Variants in MYO5A observed in about 807,000 individuals in gnomAD.
The protein encoded by MYO5A is unconventional myosin-Va.
A neutral mutation model predicts 249.7 loss-of-function variants in MYO5A; 98 were observed. The observed-to-expected ratio is 0.39, with a 90% CI of 0.33 to 0.46. The LOEUF is 0.46. Ranked by LOEUF, MYO5A falls within the 20% of genes least tolerant of loss-of-function variation. The pLI is 0.98. For synonymous variants in MYO5A, 778 were observed against 810.6 expected (o/e 0.96, Z 0.68); for missense variants, 1,696 against 2,308.8 (o/e 0.73, Z 5.44).
chr15:52,438,836 G>A (rs1296192231), intron 1 of MYO5A, among the ~76,000 whole-genome samples: 1 of 152,194 alleles, frequency 6.6e-6, no homozygotes, highest in Non-Finnish European at 1.5e-5. Context: ...GTTTGTTACG[G>A]CTCGAGCTGA....
chr15:52,358,745 C>A (rs767436503), intron 25 of MYO5A, among the ~76,000 whole-genome samples: 2 of 151,924 alleles, frequency 1.3e-5, no homozygotes, highest in Non-Finnish European at 2.9e-5. Flanking sequence ...GAAGAACTCC[C>A]CAGTCAAATC....
At chr15:52,357,060 C>T (rs190527727) in intron 25 of MYO5A, among the ~76,000 whole-genome samples, 1 of 152,126 alleles carries the variant, frequency 6.6e-6, no homozygotes, top group Admixed American at 6.5e-5. Context: ...ATAATAAAGT[C>T]TGTCCTGACT....
At chr15:52,507,793 GACCCTGTCCCCAAAAAAAAAAA>G (rs1390148461) in intron 1 of MYO5A, among the ~76,000 whole-genome samples, 2 of 92,982 alleles carry the variant, frequency 2.2e-5, no homozygotes, top group Non-Finnish European at 4.4e-5. Context: ...AACAGAATGA[GACCCTGTCCCCAAAAAAAAAAA>G]AAAAAAGTGT....
chr15:52,353,842 C>T lies in MYO5A; in HGVS notation c.3567+29G>A, dbSNP rs1199916072. The T allele has an allele frequency of 1.9e-6, 3 of 1,612,228 alleles. No individual in the cohort carries two copies. The South Asian group carries it at 3.3e-5, about 18-fold the overall frequency. ...CTGAAATGGACATAAAGCCCAGCTT[C>T]AGCTCTGCGGATGGGCTGTGCTGCG... On this transcript the variant is annotated intron_variant, in intron 26 of 41. Coordinates refer to ENST00000399233, the MANE Select transcript of MYO5A (RefSeq NM_001382347.1).
At chr15:52,511,101 C>T (rs921576360) in intron 1 of MYO5A, among the ~76,000 whole-genome samples, 2 of 152,188 alleles carry the variant, frequency 1.3e-5, no homozygotes, top group Non-Finnish European at 1.5e-5. Flanking sequence ...AGACTATTCT[C>T]ATTTTCCTGA....
intron 21 of MYO5A, among the ~76,000 whole-genome samples, chr15:52,371,183 C>T (rs1461296619): frequency 6.6e-6 from 1 of 151,820 alleles, no homozygotes; most frequent in African/African-American, 2.4e-5. Flanking sequence ...TTTATGTTTA[C>T]TACCTCAAAA....
Position 52,498,528 on chromosome 15 carries a change from T to C in MYO5A, c.27+30252A>G, listed in dbSNP as rs189483051. Among the ~76,000 whole-genome samples the C allele has an allele frequency of 1.6e-3, 243 of 152,326 alleles. 1 individual carries two copies. The highest frequency in any genetic ancestry group is 5.6e-3 in the African/African-American group (233 of 41,584). Reference sequence around the variant, plus strand: ...TAATTTGTTTGGTTAAAAAAAAACCTCTTCATTTTAATGTGCATTTCTTAC... The same window carrying C: ...TAATTTGTTTGGTTAAAAAAAAACCCCTTCATTTTAATGTGCATTTCTTAC... On this transcript the variant is annotated intron_variant, in intron 1 of 41. Transcript: ENST00000399233.
chr15:52,430,645 G>A (rs1785324019), intron 2 of MYO5A, among the ~76,000 whole-genome samples: 1 of 152,046 alleles, frequency 6.6e-6, no homozygotes, highest in African/African-American at 2.4e-5. Context: ...CCCTAGTCTT[G>A]CTTTTATTAA....
chr15:52,415,056 G>C (rs1278161407), intron 5 of MYO5A, among the ~76,000 whole-genome samples: 2 of 152,104 alleles, frequency 1.3e-5, no homozygotes, highest in African/African-American at 4.8e-5. Context: ...CTACAGATAA[G>C]AGGTCACGGC....
chr15:52,331,069 T>C (rs2038865951), intron 34 of MYO5A, among the ~76,000 whole-genome samples: 1 of 152,202 alleles, frequency 6.6e-6, no homozygotes, highest in Non-Finnish European at 1.5e-5. Flanking sequence ...TGGTCCAAAA[T>C]GTATTATTTT....
At chr15:52,321,235 T>G (rs1425861523) in intron 38 of MYO5A, 124 bp downstream of exon 38, 3 of 1,285,880 alleles carry the variant, frequency 2.3e-6, no homozygotes, top group South Asian at 2.4e-5. Flanking sequence ...ATTTTAGCCC[T>G]GTATCTTACT....
chr15:52,344,959 C>A (rs1227007785), intron 30 of MYO5A, among the ~76,000 whole-genome samples: 4 of 152,200 alleles, frequency 2.6e-5, no homozygotes, highest in Non-Finnish European at 5.9e-5. Flanking sequence ...TTAGATATAA[C>A]ATATGTTTAT....
At chr15:52,453,907 A>G (rs1049440705) in intron 1 of MYO5A, among the ~76,000 whole-genome samples, 3 of 152,160 alleles carry the variant, frequency 2.0e-5, no homozygotes, top group African/African-American at 7.2e-5. Flanking sequence ...ACATACTACT[A>G]GAGAAAACTA....
chr15:52,387,304 C>A (rs1054167621), intron 14 of MYO5A, among the ~76,000 whole-genome samples: 3 of 152,192 alleles, frequency 2.0e-5, no homozygotes, highest in African/African-American at 7.2e-5. Flanking sequence ...AAAATAATTT[C>A]AAAGTGCTTT....
intron 1 of MYO5A, among the ~76,000 whole-genome samples, chr15:52,485,494 A>C (rs924597439): frequency 5.7e-4 from 87 of 152,308 alleles, no homozygotes; most frequent in African/African-American, 1.9e-3. Flanking sequence ...TGAATTCTAG[A>C]ATAACAAGGT....
chr15:52,317,060 T>A lies in MYO5A; in HGVS notation c.5397A>T (p.Leu1799Phe). The change falls in exon 40 of 42, where the codon TTA becomes TTT. Residue 1799 changes from leucine (L) to phenylalanine (F), a missense_variant. Leu to Phe is a conservative substitution (Grantham distance 22). Transcript: ENST00000399233. ...AAAGTTGCTCTACCTGGGCAGTAGT[T>A]AAAGCATTGCACATAGAACAAATGG... ...AEAICSMCNA[L>F]TTAQIVKVLN... 1.2e-6 allele frequency: 2 copies of A among 1,614,096 alleles called. No homozygotes were observed. The highest frequency in any genetic ancestry group is 1.7e-6 in the Non-Finnish European group (2 of 1,179,954).
At chr15:52,360,844 G>T (rs1246335128) in intron 24 of MYO5A, among the ~76,000 whole-genome samples, 3 of 152,160 alleles carry the variant, frequency 2.0e-5, no homozygotes, top group Non-Finnish European at 4.4e-5. Flanking sequence ...GAATTAAAAG[G>T]CTGGGCTCTT....
intron 4 of MYO5A, among the ~76,000 whole-genome samples, chr15:52,420,174 A>T (rs1053858423): frequency 1.3e-5 from 2 of 152,020 alleles, no homozygotes; most frequent in Admixed American, 1.3e-4. Context: ...GCATCACTGC[A>T]TATGCCTGTA....
chr15:52,488,753 G>A (rs7166539), intron 1 of MYO5A, among the ~76,000 whole-genome samples: 5,112 of 149,230 alleles, frequency 0.034, 261 homozygotes, highest in African/African-American at 0.11. Flanking sequence ...GGGCTTGGGG[G>A]GATTTGTTTT....
Sources: allele counts gnomAD v4.1 joint callset (sites outside exome capture counted in the v4.1 genomes callset), GRCh38; gene constraint gnomAD v4.1.1; transcripts MANE v1.5; gene names NCBI Gene and HGNC (gene_info 2026-07-23, HGNC 2026-07-21).